The following CP variants were observed in gnomAD, a reference collection of about 807,000 sequenced individuals.
CP encodes the protein ceruloplasmin.
Under a neutral mutation model 122.4 loss-of-function variants are expected in CP, and 64 were observed. The ratio of observed to expected loss-of-function variants is 0.52; its 90% CI spans 0.43 to 0.64. The LOEUF is 0.64. CP is among the 30% of genes least tolerant of loss of function. The probability of loss-of-function intolerance (pLI) is 0.00; values close to 1 mark genes in which losing one functional copy is unlikely to be tolerated. For missense variants in CP, 1,167 were observed against 1,284.4 expected (o/e 0.91, Z 1.40); for synonymous variants, 440 against 436.4 (o/e 1.01, Z -0.10).
At chr3:149,171,230 A>T (rs1724957554), downstream of CP, among the ~76,000 whole-genome samples, 1 of 152,084 alleles carries the variant, frequency 6.6e-6, no homozygotes, top group South Asian at 2.1e-4. Flanking sequence ...GTGAGCTGAG[A>T]TCGCACCACT....
At chr3:149,190,536 T>C (rs1301508252) in intron 9 of CP, among the ~76,000 whole-genome samples, 4 of 151,752 alleles carry the variant, frequency 2.6e-5, no homozygotes, top group African/African-American at 9.7e-5. Context: ...CAGGCGCCTG[T>C]AGTCCCAGCT....
intron 17 of CP, 29 bp downstream of exon 17, chr3:149,177,811 C>T (rs1436883487): frequency 6.8e-6 from 11 of 1,609,914 alleles, no homozygotes; most frequent in Non-Finnish European, 9.4e-6. Context: ...TCAAACAGAG[C>T]AAGAGTAATT....
At chr3:149,168,841 G>C (rs989357706), downstream of CP, among the ~76,000 whole-genome samples, 1 of 152,050 alleles carries the variant, frequency 6.6e-6, no homozygotes. Flanking sequence ...ATTTATCACT[G>C]ACTGTTTGTG....
chr3:149,195,680 C>T (rs187839037), intron 9 of CP, among the ~76,000 whole-genome samples: 5 of 152,016 alleles, frequency 3.3e-5, no homozygotes, highest in Admixed American at 6.6e-5. Flanking sequence ...CTGGCTAACA[C>T]GGTGAAACCC....
intron 18 of CP, among the ~76,000 whole-genome samples, chr3:149,174,984 C>T (rs1442457126): frequency 2.0e-5 from 3 of 151,908 alleles, no homozygotes; most frequent in African/African-American, 7.3e-5. Flanking sequence ...CAGTAATCTC[C>T]CTCTTCTTTC....
At chr3:149,201,425 C>T (rs1727306838) in intron 7 of CP, among the ~76,000 whole-genome samples, 1 of 151,684 alleles carries the variant, frequency 6.6e-6, no homozygotes, top group East Asian at 2.0e-4. Flanking sequence ...CTGGCCCTAG[C>T]CTGGGTTTTA....
rs146032252 is a variant in CP at position 149,166,769 on chromosome 3, A to G, written c.587-719T>C. Among the ~76,000 whole-genome samples, 31 of 152,306 alleles carry G rather than the reference A, an allele frequency of 2.0e-4. No individual in the cohort carries two copies. The East Asian group carries it at 6.0e-3, about 29-fold the overall frequency. On this transcript the variant is annotated intron_variant, in intron 4 of 5. Coordinates refer to the CP transcript ENST00000479771. ...TCCTAAAGAATGCCCATTGGTTTTA[A>G]TTTGCAGTCCACACAAAGCAAATAA... is the stretch of plus-strand genomic sequence containing the variant.
In CP at chr3:149,197,799, T is replaced by A. The variant is rs557495106; in HGVS notation, c.1713+568A>T. Among the ~76,000 whole-genome samples, 95 of 152,300 alleles carry A rather than the reference T, an allele frequency of 6.2e-4. 1 individual carries two copies. The highest frequency in any genetic ancestry group is 2.3e-3 in the African/African-American group (94 of 41,568). On this transcript the variant is annotated intron_variant, in intron 9 of 18. Coordinates refer to ENST00000264613, the MANE Select transcript of CP (RefSeq NM_000096.4). Reference sequence around the variant, plus strand: ...GGATTTGCGCTCGTATGAGAATCTGTTGCCGCCACTGATCTGACAGGAGGC... The same window carrying A: ...GGATTTGCGCTCGTATGAGAATCTGATGCCGCCACTGATCTGACAGGAGGC...
chr3:149,164,212 A>G (rs1298486503), intron 5 of CP, among the ~76,000 whole-genome samples: 1 of 152,120 alleles, frequency 6.6e-6, no homozygotes, highest in African/African-American at 2.4e-5. Context: ...TGATTTCCTC[A>G]TTTTCAGGAT....
chr3:149,192,782 G>A (rs1463679646), intron 9 of CP, among the ~76,000 whole-genome samples: 1 of 151,490 alleles, frequency 6.6e-6, no homozygotes. Context: ...AAGTACAAAT[G>A]GTCAATAAAC....
intron 9 of CP, among the ~76,000 whole-genome samples, chr3:149,192,580 C>G: frequency 6.6e-6 from 1 of 150,528 alleles, no homozygotes; most frequent in Non-Finnish European, 1.5e-5. Context: ...TAAAAACACT[C>G]AACTGTAAGC....
intron 18 of CP, among the ~76,000 whole-genome samples, chr3:149,175,734 C>T (rs149066294): frequency 1.6e-4 from 24 of 149,016 alleles, no homozygotes; most frequent in Middle Eastern, 3.5e-3. Context: ...GGGAGCAGTG[C>T]ATTTAAATTT....
intron 3 of CP, among the ~76,000 whole-genome samples, chr3:149,209,724 C>T (rs1051031725): frequency 6.6e-6 from 1 of 152,112 alleles, no homozygotes; most frequent in Admixed American, 6.6e-5. Flanking sequence ...AACGATTGTT[C>T]AAGTTAGAAT....
At chr3:149,172,472 A>G (rs1053601245), downstream of CP, 3 of 361,368 alleles carry the variant, frequency 8.3e-6, no homozygotes, top group Non-Finnish European at 1.6e-5. Context: ...TCTTTAAGAC[A>G]TAAGAATTCC....
At chr3:149,199,402 G>A (rs899375120) in intron 8 of CP, among the ~76,000 whole-genome samples, 4 of 151,854 alleles carry the variant, frequency 2.6e-5, no homozygotes, top group African/African-American at 9.7e-5. Flanking sequence ...AGTGAACATC[G>A]AACATTCTTA....
intron 9 of CP, among the ~76,000 whole-genome samples, chr3:149,192,884 C>T (rs895233028): frequency 3.0e-4 from 45 of 151,880 alleles, no homozygotes; most frequent in African/African-American, 8.7e-4. Context: ...ATTAGTAAAA[C>T]GGCAGAGAAC....
At chr3:149,162,712 A>C (rs752917772) in exon 6 of CP, 13 of 1,614,020 alleles carry the variant, frequency 8.1e-6, no homozygotes, top group Non-Finnish European at 1.1e-5. Flanking sequence ...AAGGATGAAG[A>C]TACAATTCCT....
At chr3:149,216,640 G>C (rs960437826) in intron 1 of CP, among the ~76,000 whole-genome samples, 3 of 152,186 alleles carry the variant, frequency 2.0e-5, no homozygotes, top group African/African-American at 7.2e-5. Context: ...ATTAACTGCT[G>C]CAAGAATATG....
intron 8 of CP, among the ~76,000 whole-genome samples, chr3:149,199,072 TCA>T (rs1417448883): frequency 3.3e-5 from 5 of 152,220 alleles, no homozygotes; most frequent in Non-Finnish European, 7.3e-5. Context: ...CTGTTCACAG[TCA>T]CACTGCAAGT....
Sources: gnomAD v4.1 joint callset for allele counts (sites outside exome capture counted in the v4.1 genomes callset) on GRCh38, gnomAD v4.1.1 for gene constraint, MANE v1.5 for transcripts, NCBI Gene and HGNC (gene_info 2026-07-23, HGNC 2026-07-21) for gene names.